FLYWCH2: variants seen among roughly 807,000 people sequenced by gnomAD.
FLYWCH2 encodes FLYWCH family member 2.
FLYWCH2 carries 2 observed loss-of-function variants against 6.0 expected under a neutral mutation model. The observed-to-expected ratio is 0.33, with a 90% CI of 0.14 to 1.04. The LOEUF (loss-of-function observed/expected upper bound fraction) is 1.04, where lower values mean the gene tolerates loss of function less well. Ranked by LOEUF, FLYWCH2 falls within the 50% of genes least tolerant of loss-of-function variation. FLYWCH2 has a pLI of 0.45. For synonymous variants in FLYWCH2, 87 were observed against 79.3 expected, an observed-to-expected ratio of 1.10 and a Z score of -0.52; for missense variants, 192 against 183.4, an observed-to-expected ratio of 1.05 and a Z score of -0.27.
intron 3 of FLYWCH2, among the ~76,000 whole-genome samples, chr16:2,897,748 A>G (rs2069839792): frequency 6.6e-6 from 1 of 152,190 alleles, no homozygotes; most frequent in Admixed American, 6.5e-5. Flanking sequence ...TCTGGGCTCT[A>G]CCAGGGCAGG....
intron 1 of FLYWCH2, among the ~76,000 whole-genome samples, chr16:2,887,174 C>T (rs2069707301): frequency 6.6e-6 from 1 of 151,990 alleles, no homozygotes; most frequent in Admixed American, 6.6e-5. Context: ...GAGACAGGAT[C>T]TCACTCTGTT....
intron 1 of FLYWCH2, among the ~76,000 whole-genome samples, chr16:2,890,239 T>A (rs1243848041): frequency 6.8e-6 from 1 of 147,632 alleles, no homozygotes. Flanking sequence ...TTTTTTTTTT[T>A]TTGTTTTTGT....
At chr16:2,884,673 G>A (rs2069678717) in intron 1 of FLYWCH2, among the ~76,000 whole-genome samples, 1 of 151,300 alleles carries the variant, frequency 6.6e-6, no homozygotes, top group South Asian at 2.1e-4. Flanking sequence ...TCGGGAGTTC[G>A]AGACCAGCCT....
intron 3 of FLYWCH2, 52 bp downstream of exon 3, chr16:2,896,823 C>A: frequency 6.5e-7 from 1 of 1,528,958 alleles, no homozygotes; most frequent in Non-Finnish European, 8.8e-7. Flanking sequence ...CCAGGGTGGC[C>A]CCCACAGCCG....
In FLYWCH2 at chr16:2,899,244, T is replaced by C. The variant is rs2069857492; in HGVS notation, c.*95T>C. The C allele has an allele frequency of 1.5e-6, 1 of 682,454 alleles. No individual in the cohort carries two copies. Among genetic ancestry groups the C allele is most frequent in the Non-Finnish European group, 2.3e-6 (1 of 428,646 alleles). The allele number at this position is 682,454 out of a possible 1,614,324, so 42.3% of individuals were successfully genotyped here. A position where few individuals can be genotyped will look rare whatever the true frequency, so the allele number is the denominator to read the frequency against. ...TGGGGCCAAATGGGTGAATCTTTGC[T>C]TTTAACATTGTGTGATTTCTTTTCT... is the stretch of plus-strand genomic sequence containing the variant. On this transcript the variant is annotated 3_prime_UTR_variant, in exon 4 of 4. Coordinates refer to ENST00000396958, the MANE Select transcript of FLYWCH2 (RefSeq NM_138439.3).
chr16:2,886,630 T>G (rs2069702248), intron 1 of FLYWCH2, among the ~76,000 whole-genome samples: 1 of 141,092 alleles, frequency 7.1e-6, no homozygotes, highest in East Asian at 2.2e-4. Flanking sequence ...CAAGCAATTC[T>G]CCTGTCTCAG....
chr16:2,897,547 G>A (rs2069837997), intron 3 of FLYWCH2, among the ~76,000 whole-genome samples: 1 of 152,234 alleles, frequency 6.6e-6, no homozygotes, highest in South Asian at 2.1e-4. Context: ...CCTTGGCTCT[G>A]CCCCTGCTGT....
In FLYWCH2 at chr16:2,891,423, G is replaced by T. The variant is rs886736375; in HGVS notation, c.-199-3797G>T. Among the ~76,000 whole-genome samples the T allele has an allele frequency of 1.1e-3, 165 of 151,182 alleles. 1 individual carries two copies. Among genetic ancestry groups the T allele is most frequent in the Middle Eastern group, 3.4e-3 (1 of 294 alleles). On this transcript the variant is annotated intron_variant, in intron 1 of 3. Transcript: ENST00000396958. ...ATTTTTATTTTATTTATTTTTTTTT[G>T]AGATGGAGTCTCGCCCTATCGCCCA...
In FLYWCH2 at chr16:2,883,839, G is replaced by T. The variant is rs146013942; in HGVS notation, c.-200+473G>T. Among the ~76,000 whole-genome samples, 1,213 of 152,370 alleles carry T rather than the reference G, an allele frequency of 8.0e-3. 16 individuals are homozygous for T. The highest frequency in any genetic ancestry group is 0.028 in the African/African-American group (1,147 of 41,596). On this transcript the variant is annotated intron_variant, in intron 1 of 3. Transcript: ENST00000396958. ...GGACCATTTGGGCGCAGCCCAGCCC[G>T]CGTTTGATGCCAATTGCATTGGGTA...
intron 1 of FLYWCH2, among the ~76,000 whole-genome samples, chr16:2,891,436 G>A (rs570147195): frequency 6.6e-6 from 1 of 151,812 alleles, no homozygotes; most frequent in Non-Finnish European, 1.5e-5. Flanking sequence ...ATGGAGTCTC[G>A]CCCTATCGCC....
intron 1 of FLYWCH2, among the ~76,000 whole-genome samples, chr16:2,890,647 C>A (rs1038200282): frequency 4.0e-5 from 6 of 151,054 alleles, no homozygotes; most frequent in Non-Finnish European, 8.8e-5. Flanking sequence ...TTGTCTCGAA[C>A]TCCTGACCTT....
rs190439473 is a variant in FLYWCH2 at position 2,899,021 on chromosome 16, C to T, written c.323-28C>T. Reference sequence around the variant, plus strand: ...TGAGCCCTCCCATCTCCATTGACACCAGCCTGATCCACCCTCTTCTCTCGC... The same window carrying T: ...TGAGCCCTCCCATCTCCATTGACACTAGCCTGATCCACCCTCTTCTCTCGC... On this transcript the variant is annotated intron_variant, in intron 3 of 3. Coordinates refer to ENST00000396958, the MANE Select transcript of FLYWCH2 (RefSeq NM_138439.3). 1.6e-3 allele frequency: 2,597 copies of T among 1,587,362 alleles called. 5 individuals carry two copies. The highest frequency in any genetic ancestry group is 2.1e-3 in the Non-Finnish European group (2,422 of 1,163,332).
At chr16:2,888,457 A>T (rs1596335978) in intron 1 of FLYWCH2, among the ~76,000 whole-genome samples, 1 of 134,226 alleles carries the variant, frequency 7.5e-6, no homozygotes. Context: ...TTTCATATGA[A>T]TTTTAGGACC....
intron 1 of FLYWCH2, 63 bp downstream of exon 1, chr16:2,883,429 C>T (rs927490927): frequency 6.6e-6 from 1 of 152,476 alleles, no homozygotes; most frequent in African/African-American, 2.4e-5. Context: ...AGTCCCCGGC[C>T]CGGCTCTCTC....
intron 1 of FLYWCH2, among the ~76,000 whole-genome samples, chr16:2,886,518 T>A (rs2069700567): frequency 1.2e-4 from 1 of 8,010 alleles, no homozygotes; most frequent in Non-Finnish European, 5.4e-4. Flanking sequence ...CCTTTGTCCT[T>A]TTTTTTTTTT....
chr16:2,887,309 CTTTCTT>C (rs1310354013), intron 1 of FLYWCH2, among the ~76,000 whole-genome samples: 2,040 of 119,140 alleles, frequency 0.017, 40 homozygotes, highest in Non-Finnish European at 0.025. Flanking sequence ...CCATGCCCGG[CTTTCTT>C]TTTTTTTTTT....
At chr16:2,885,462 C>G (rs995597710) in intron 1 of FLYWCH2, among the ~76,000 whole-genome samples, 1 of 152,210 alleles carries the variant, frequency 6.6e-6, no homozygotes, top group Non-Finnish European at 1.5e-5. Context: ...AATTCTCATT[C>G]TCCCCTTCCC....
At chr16:2,888,168 T>C (rs1383519931) in intron 1 of FLYWCH2, among the ~76,000 whole-genome samples, 1 of 151,874 alleles carries the variant, frequency 6.6e-6, no homozygotes, top group African/African-American at 2.4e-5. Context: ...GCCGCCACAC[T>C]CGGCTAATTT....
At chr16:2,891,383 C>G (rs1360448743) in intron 1 of FLYWCH2, among the ~76,000 whole-genome samples, 1 of 152,062 alleles carries the variant, frequency 6.6e-6, no homozygotes, top group Non-Finnish European at 1.5e-5. Context: ...GCAGGGTTCT[C>G]TCTCTCTCTA....
Sources: allele counts gnomAD v4.1 joint callset (sites outside exome capture counted in the v4.1 genomes callset), GRCh38; gene constraint gnomAD v4.1.1; transcripts MANE v1.5; gene names NCBI Gene and HGNC (gene_info 2026-07-23, HGNC 2026-07-21).